The following PRKD3 variants were observed in gnomAD, a reference collection of about 807,000 sequenced individuals.
PRKD3 encodes the protein serine/threonine-protein kinase D3.
PRKD3 carries 47 observed loss-of-function variants against 99.2 expected under a neutral mutation model. The observed-to-expected ratio is 0.47, with a 90% confidence interval of 0.38 to 0.60. The LOEUF is 0.60. Among genes scored for constraint, PRKD3 ranks in the 20% least tolerant of loss-of-function variants. PRKD3 has a pLI of 0.00. For missense variants in PRKD3, 1,019 were observed against 1,088.4 expected (o/e 0.94, Z 0.90); for synonymous variants, 392 against 355.4 (o/e 1.10, Z -1.16).
intron 3 of PRKD3, among the ~76,000 whole-genome samples, chr2:37,291,608 T>C (rs1572674963): frequency 6.6e-6 from 1 of 152,240 alleles, no homozygotes; most frequent in South Asian, 2.1e-4. Context: ...GGAGTGAAAC[T>C]CCTCAGGAAT....
intron 2 of PRKD3, among the ~76,000 whole-genome samples, chr2:37,296,081 G>A (rs1216590096): frequency 6.6e-6 from 1 of 152,014 alleles, no homozygotes; most frequent in Admixed American, 6.5e-5. Context: ...TTTCTCTCCA[G>A]AAACTATAGC....
intron 2 of PRKD3, among the ~76,000 whole-genome samples, chr2:37,296,772 C>T (rs756566769): frequency 1.3e-5 from 2 of 151,378 alleles, no homozygotes; most frequent in Non-Finnish European, 2.9e-5. Context: ...TGGTGGCGGG[C>T]GCCTGTAGTC....
At position 37,260,178 on chromosome 2, in the gene PRKD3, T is replaced by A. The variant is rs753301836; in HGVS notation, c.2046+45A>T. Reference sequence around the variant, plus strand: ...GACTCTTGTCTTAAAAAAAAAAAAATTAGTTTTTAATCGCTAGTTTAAAAA... The same window carrying A: ...GACTCTTGTCTTAAAAAAAAAAAAAATAGTTTTTAATCGCTAGTTTAAAAA... On this transcript the variant is annotated intron_variant, in intron 15 of 18. Coordinates refer to ENST00000234179, the MANE Select transcript of PRKD3 (RefSeq NM_005813.6). The A allele has an allele frequency of 1.1e-5, 17 of 1,494,994 alleles. 1 individual carries two copies. The highest frequency in any genetic ancestry group is 6.0e-5 in the South Asian group (5 of 82,676). 92.6% of individuals were successfully genotyped at this position (1,494,994 alleles called of 1,614,324 possible). A position where few individuals can be genotyped will look rare whatever the true frequency, so the allele number is the denominator to read the frequency against.
intron 16 of PRKD3, among the ~76,000 whole-genome samples, chr2:37,259,060 A>AAC (rs1668207166): frequency 2.0e-5 from 3 of 152,172 alleles, no homozygotes; most frequent in African/African-American, 7.2e-5. Context: ...TGGAAAAAAA[A>AAC]AAAACTCAAC....
chr2:37,323,693 G>A (rs1234843955), intron 1 of PRKD3, among the ~76,000 whole-genome samples: 1 of 152,064 alleles, frequency 6.6e-6, no homozygotes, highest in African/African-American at 2.4e-5. Flanking sequence ...AAGTTTCAGA[G>A]GAATAAAATA....
chr2:37,315,897 G>C (rs1274365347), intron 2 of PRKD3, among the ~76,000 whole-genome samples: 2 of 152,070 alleles, frequency 1.3e-5, no homozygotes, highest in African/African-American at 4.8e-5. Flanking sequence ...GCTAATTTTT[G>C]TATTTTTAGT....
chr2:37,279,988 G>A, intron 7 of PRKD3, 59 bp from the exon 8 acceptor site: 2 of 1,181,502 alleles, frequency 1.7e-6, no homozygotes, highest in Middle Eastern at 2.5e-4. Flanking sequence ...TCCATTAAAT[G>A]TGAAAAAAGT....
chr2:37,262,377 A>T (rs547932627), intron 14 of PRKD3, among the ~76,000 whole-genome samples: 1 of 152,306 alleles, frequency 6.6e-6, no homozygotes, highest in Non-Finnish European at 1.5e-5. Context: ...TGTTTCAGTT[A>T]TTTTAGCTCA....
chr2:37,296,322 C>G (rs534949128), intron 2 of PRKD3, among the ~76,000 whole-genome samples: 2 of 151,968 alleles, frequency 1.3e-5, no homozygotes, highest in Admixed American at 6.5e-5. Context: ...AAAATAATAT[C>G]AACATGAAGT....
intron 1 of PRKD3, among the ~76,000 whole-genome samples, chr2:37,322,405 A>T (rs1671924376): frequency 6.6e-6 from 1 of 152,178 alleles, no homozygotes; most frequent in Non-Finnish European, 1.5e-5. Context: ...GTTTCCTCTA[A>T]AATTCTGCTC....
At chr2:37,276,412 C>A (rs1280646955) in intron 9 of PRKD3, among the ~76,000 whole-genome samples, 1 of 151,998 alleles carries the variant, frequency 6.6e-6, no homozygotes, top group East Asian at 1.9e-4. Flanking sequence ...AGTGATATTC[C>A]TTTTATTATA....
At chr2:37,287,979 G>C (rs1257207215) in intron 5 of PRKD3, among the ~76,000 whole-genome samples, 2 of 152,178 alleles carry the variant, frequency 1.3e-5, no homozygotes, top group African/African-American at 4.8e-5. Flanking sequence ...AGTTCTACTT[G>C]TTTAAAAATA....
At chr2:37,299,691 C>T (rs1248773134) in intron 2 of PRKD3, among the ~76,000 whole-genome samples, 1 of 151,810 alleles carries the variant, frequency 6.6e-6, no homozygotes, top group South Asian at 2.1e-4. Context: ...TCAACAACAA[C>T]AAAAAAAGAA....
intron 17 of PRKD3, among the ~76,000 whole-genome samples, chr2:37,256,321 G>C (rs566653985): frequency 6.6e-6 from 1 of 152,294 alleles, no homozygotes; most frequent in East Asian, 1.9e-4. Flanking sequence ...CACCATAAAT[G>C]AAAGTAATGT....
chr2:37,316,376 AGTGATG>A lies in PRKD3; in HGVS notation c.143_148del (p.Pro48_Ser49del), dbSNP rs1310049515. 6.2e-7 allele frequency: 1 copy of A among 1,614,194 alleles called. No individual in the cohort carries two copies. The highest frequency in any genetic ancestry group is 1.1e-5 in the South Asian group (1 of 91,080). On this transcript the variant is annotated inframe_deletion, in exon 2 of 19. Transcript: ENST00000234179. ...ATGCACTGAGCCTCTGGAGTTGGTG[AGTGATG>A]GTGCACTGAAGCTTCCATTAGAGAG...
chr2:37,311,630 T>C (rs769376879), intron 2 of PRKD3, among the ~76,000 whole-genome samples: 78 of 152,348 alleles, frequency 5.1e-4, no homozygotes, highest in Middle Eastern at 6.8e-3. Context: ...TGCAGACCTC[T>C]CTGAAATTTT....
At chr2:37,270,221 C>A (rs760429134) in intron 12 of PRKD3, among the ~76,000 whole-genome samples, 5 of 151,196 alleles carry the variant, frequency 3.3e-5, no homozygotes, top group Non-Finnish European at 1.5e-5. Flanking sequence ...GAGCGAGACT[C>A]CATCTCAAGA....
At chr2:37,293,042 A>T in intron 3 of PRKD3, 91 bp downstream of exon 3, 1 of 1,274,652 alleles carries the variant, frequency 7.8e-7, no homozygotes, top group Non-Finnish European at 1.1e-6. Context: ...AATAATACAA[A>T]GACTAAATAT....
intron 2 of PRKD3, among the ~76,000 whole-genome samples, chr2:37,297,486 T>C (rs528182178): frequency 1.2e-4 from 19 of 152,296 alleles, no homozygotes; most frequent in African/African-American, 3.6e-4. Context: ...CCAATATCCA[T>C]ACATTATCAT....
Sources: gnomAD v4.1 joint callset for allele counts (sites outside exome capture counted in the v4.1 genomes callset) on GRCh38, gnomAD v4.1.1 for gene constraint, MANE v1.5 for transcripts, NCBI Gene and HGNC (gene_info 2026-07-23, HGNC 2026-07-21) for gene names.